Variants in NEB observed in about 807,000 individuals in gnomAD.
The protein encoded by NEB is nebulin.
A neutral mutation model predicts 952.2 loss-of-function variants in NEB; 512 were observed. The observed-to-expected ratio is 0.54, with a 90% CI of 0.50 to 0.58. NEB has a LOEUF of 0.58. Ranked by LOEUF, NEB falls within the 20% of genes least tolerant of loss-of-function variation. The pLI is 0.00. For missense variants in NEB, 8,428 were observed against 9,231.1 expected, an observed-to-expected ratio of 0.91 and a Z score of 3.56; for synonymous variants, 2,900 against 3,149.8, an observed-to-expected ratio of 0.92 and a Z score of 2.66.
intron 173 of NEB, among the ~76,000 whole-genome samples, chr2:151,495,675 CAACAACA>C (rs1484887708): frequency 6.6e-6 from 1 of 152,018 alleles, no homozygotes; most frequent in African/African-American, 2.4e-5. Context: ...AGAACAACAA[CAACAACA>C]AACAAAAAAC....
chr2:151,498,471 C>T (rs1290748497), intron 169 of NEB, 119 bp from the exon 170 acceptor site: 1 of 689,370 alleles, frequency 1.5e-6, no homozygotes, highest in Admixed American at 2.9e-5. Context: ...AGAGAAATAC[C>T]AGAAGCTTTT....
intron 60 of NEB, among the ~76,000 whole-genome samples, 179 bp from the exon 61 acceptor site, chr2:151,640,845 A>G (rs144496499): frequency 6.6e-6 from 1 of 152,074 alleles, no homozygotes; most frequent in East Asian, 1.9e-4. Context: ...TGAAATATAT[A>G]TCTTATATAA....
At chr2:151,490,186 C>CA in intron 180 of NEB, 109 bp from the exon 181 acceptor site, 1 of 1,191,702 alleles carries the variant, frequency 8.4e-7, no homozygotes. Context: ...GAATGATTTC[C>CA]AAAAAGAGAA....
intron 65 of NEB, among the ~76,000 whole-genome samples, chr2:151,633,346 C>T (rs1056621947): frequency 6.6e-6 from 1 of 151,356 alleles, no homozygotes; most frequent in African/African-American, 2.4e-5. Context: ...ACAGTAATTT[C>T]TTTTTAAAGT....
At chr2:151,489,931 A>G (rs1344605376) in intron 181 of NEB, 40 bp downstream of exon 181, 2 of 1,479,904 alleles carry the variant, frequency 1.4e-6, no homozygotes, top group Admixed American at 1.7e-5. Context: ...CATATCAAAA[A>G]TTAAGAATAA....
chr2:151,534,149 A>G, intron 142 of NEB: 3 of 1,141,566 alleles, frequency 2.6e-6, no homozygotes, highest in Non-Finnish European at 3.9e-6. Context: ...AGCAGACGGG[A>G]TGACATCTCA....
chr2:151,690,208 T>C (rs1216568763), intron 24 of NEB: 1 of 160,870 alleles, frequency 6.2e-6, no homozygotes, highest in East Asian at 1.8e-4. Context: ...ACCACGCCTG[T>C]CTTAGACTTT....
intron 23 of NEB, among the ~76,000 whole-genome samples, chr2:151,691,192 T>C (rs966972529): frequency 4.6e-5 from 7 of 152,134 alleles, no homozygotes; most frequent in Admixed American, 3.3e-4. Context: ...TACTACTGTC[T>C]TCCTCCCCAG....
Position 151,537,737 on chromosome 2 carries a change from T to C in NEB, c.21102+135A>G, listed in dbSNP as rs552134884. On this transcript the variant is annotated intron_variant, in intron 140 of 181. Transcript: ENST00000397345. ...GAAATTCACTCACTTAGCAATTGAG[T>C]TTTATGATTTAAACATCCACACACA... 7 of 541,338 alleles carry C rather than the reference T, an allele frequency of 1.3e-5. No individual in the cohort carries two copies. The Admixed American group carries it at 2.3e-4, about 18-fold the overall frequency. The allele number at this position is 541,338 out of a possible 1,614,324, so 33.5% of individuals were successfully genotyped here.
intron 40 of NEB, among the ~76,000 whole-genome samples, chr2:151,667,176 AT>A (rs561382896): frequency 2.0e-5 from 3 of 150,086 alleles, no homozygotes; most frequent in Non-Finnish European, 4.4e-5. Context: ...ATTTCCATGG[AT>A]TTTTTTTCTT....
intron 1 of NEB, 61 bp downstream of exon 1, chr2:151,734,337 A>C (rs2099816414): frequency 6.6e-6 from 1 of 152,162 alleles, no homozygotes; most frequent in South Asian, 2.1e-4. Flanking sequence ...AAATACTTCG[A>C]GGGAAGTTGT....
At chr2:151,615,751 A>T (rs1449811976) in intron 76 of NEB, 1 of 353,308 alleles carries the variant, frequency 2.8e-6, no homozygotes, top group Non-Finnish European at 5.0e-6. Context: ...CAAAAATATG[A>T]ACCCATTTTT....
In NEB at chr2:151,631,252, A is replaced by G; in HGVS notation, c.9509T>C (p.Ile3170Thr). The stretch of plus-strand genomic sequence containing the variant: ...CTGGCGGTAGATGTTATCACTCAGT[A>G]TTTCGGTAGCTCTCTTGCACTTGAC... ...DVVKCKRATEILSDNIYRQPP... is the reference protein window; with the variant it reads ...DVVKCKRATETLSDNIYRQPP... The change falls in exon 66 of 182, where the codon ATA becomes ACA. Residue 3170 changes from isoleucine (I) to threonine (T), a missense_variant. Coordinates refer to ENST00000397345, the MANE Select transcript of NEB (RefSeq NM_001164508.2). 5 of 1,613,904 alleles carry G rather than the reference A, an allele frequency of 3.1e-6. No individual in the cohort carries two copies. The highest frequency in any genetic ancestry group is 3.4e-6 in the Non-Finnish European group (4 of 1,179,864).
chr2:151,513,827 T>G, intron 159 of NEB, 134 bp from the exon 160 acceptor site: 1 of 667,566 alleles, frequency 1.5e-6, no homozygotes, highest in Non-Finnish European at 2.6e-6. Flanking sequence ...ACTCTTCACC[T>G]TCGCTCTTCC....
At chr2:151,645,232 A>C (rs988149291) in intron 55 of NEB, among the ~76,000 whole-genome samples, 1 of 152,220 alleles carries the variant, frequency 6.6e-6, no homozygotes, top group Non-Finnish European at 1.5e-5. Flanking sequence ...GGACTGTTTC[A>C]TTAGAAGTTT....
intron 129 of NEB, among the ~76,000 whole-genome samples, chr2:151,551,531 C>T (rs2095338857): frequency 6.6e-6 from 1 of 152,160 alleles, no homozygotes; most frequent in South Asian, 2.1e-4. Flanking sequence ...CTAAAACATG[C>T]CCATTATGTT....
At chr2:151,507,953 T>G in intron 162 of NEB, 52 bp downstream of exon 162, 2 of 1,339,980 alleles carry the variant, frequency 1.5e-6, no homozygotes, top group Non-Finnish European at 2.1e-6. Context: ...GGCATCTTCC[T>G]CAGCACCCCT....
chr2:151,630,894 T>C (rs981335734), intron 66 of NEB, 75 bp from the exon 67 acceptor site: 2 of 1,343,944 alleles, frequency 1.5e-6, no homozygotes, highest in African/African-American at 3.0e-5. Flanking sequence ...AAAACTGTTA[T>C]TACTGACCTA....
chr2:151,531,746 G>C (rs745404405), intron 144 of NEB, 46 bp downstream of exon 144: 1 of 1,404,186 alleles, frequency 7.1e-7, no homozygotes, highest in Non-Finnish European at 1.0e-6. Flanking sequence ...CATGTTTGCA[G>C]ATGCCCCCTG....
Sources: allele counts gnomAD v4.1 joint callset (sites outside exome capture counted in the v4.1 genomes callset), GRCh38; gene constraint gnomAD v4.1.1; transcripts MANE v1.5; gene names NCBI Gene and HGNC (gene_info 2026-07-23, HGNC 2026-07-21).